FSTL5: variants seen among roughly 807,000 people sequenced by gnomAD.
The protein encoded by FSTL5 is follistatin like 5, also known as follistatin-related protein 5.
FSTL5 carries 62 observed loss-of-function variants against 89.1 expected under a neutral mutation model. That is an observed-to-expected ratio of 0.70 (90% confidence interval 0.57 to 0.86). The LOEUF (loss-of-function observed/expected upper bound fraction) is 0.86. Among genes scored for constraint, FSTL5 ranks in the 40% least tolerant of loss-of-function variants. The probability of loss-of-function intolerance (pLI) is 0.00; values close to 1 mark genes in which losing one functional copy is unlikely to be tolerated. For missense variants in FSTL5, 1,057 were observed against 1,001.6 expected (o/e 1.06, Z -0.75); for synonymous variants, 383 against 346.2 (o/e 1.11, Z -1.18).
rs763177139 is a variant in FSTL5 at position 161,538,206 on chromosome 4, G to A, written c.1272C>T (p.Asp424=). Residue 424 remains aspartate (D), a synonymous_variant, in exon 10 of 16, where the codon GAC becomes GAT. Coordinates refer to ENST00000306100, the MANE Select transcript of FSTL5 (RefSeq NM_020116.5). ...IAKNEAGVDE[D]ISSLFVEDSA... ...AGTCTTCCACAAAAAGAGAAGAGAT[G>A]TCTTCATCCACTCCTGCTTCATTCT... 155 of 1,613,840 alleles carry A rather than the reference G, an allele frequency of 9.6e-5. No homozygotes were observed. The highest frequency in any genetic ancestry group is 5.1e-6 in the Non-Finnish European group (6 of 1,179,934).
intron 10 of FSTL5, among the ~76,000 whole-genome samples, chr4:161,529,541 C>T (rs1424626996): frequency 1.4e-5 from 2 of 141,800 alleles, no homozygotes; most frequent in Non-Finnish European, 3.1e-5. Flanking sequence ...AATCTTATAT[C>T]AAATATTAAA....
intron 2 of FSTL5, among the ~76,000 whole-genome samples, chr4:162,067,351 C>T (rs1738954213): frequency 6.6e-6 from 1 of 152,056 alleles, no homozygotes; most frequent in Non-Finnish European, 1.5e-5. Context: ...CCACATTTGG[C>T]CTATTCTTTG....
chr4:161,763,840 C>T (rs921368937), intron 5 of FSTL5, among the ~76,000 whole-genome samples: 3 of 152,126 alleles, frequency 2.0e-5, no homozygotes, highest in African/African-American at 7.2e-5. Flanking sequence ...TATACCCCTT[C>T]GGTGAGAAGA....
chr4:161,678,322 A>G (rs187327781), intron 6 of FSTL5, among the ~76,000 whole-genome samples: 22 of 151,976 alleles, frequency 1.4e-4, no homozygotes, highest in Admixed American at 1.4e-3. Flanking sequence ...TTTTTCCCTC[A>G]TCAGGAAAAA....
At chr4:161,946,137 ATTTC>A (rs1312555292) in intron 3 of FSTL5, among the ~76,000 whole-genome samples, 2 of 152,130 alleles carry the variant, frequency 1.3e-5, no homozygotes, top group Non-Finnish European at 2.9e-5. Flanking sequence ...CATATTTCAA[ATTTC>A]TTTATCAGAG....
chr4:161,732,236 A>C (rs1287201434), intron 6 of FSTL5, among the ~76,000 whole-genome samples: 1 of 152,108 alleles, frequency 6.6e-6, no homozygotes, highest in Non-Finnish European at 1.5e-5. Context: ...TTTAATTTTC[A>C]ATTATTTAAT....
At chr4:161,726,231 T>TC (rs1553961477) in intron 6 of FSTL5, among the ~76,000 whole-genome samples, 8 of 122,360 alleles carry the variant, frequency 6.5e-5, no homozygotes, top group Non-Finnish European at 1.3e-4. Context: ...CTTTTTCTTT[T>TC]TTTTTTTTTT....
At chr4:162,060,546 T>C (rs185872536) in intron 2 of FSTL5, among the ~76,000 whole-genome samples, 1 of 152,208 alleles carries the variant, frequency 6.6e-6, no homozygotes, top group East Asian at 1.9e-4. Flanking sequence ...TGTTCCTATA[T>C]AGTATATTCT....
chr4:161,432,857 T>C (rs568302923), intron 15 of FSTL5, among the ~76,000 whole-genome samples: 1 of 152,084 alleles, frequency 6.6e-6, no homozygotes, highest in East Asian at 1.9e-4. Flanking sequence ...CCTGGATACA[T>C]ACAATCTACC....
chr4:161,391,192 C>T (rs529196046), intron 15 of FSTL5, among the ~76,000 whole-genome samples: 56 of 152,218 alleles, frequency 3.7e-4, no homozygotes, highest in African/African-American at 1.2e-3. Context: ...AAAAAAAATT[C>T]CAGAACCACA....
At chr4:161,767,618 G>C (rs563275570) in intron 5 of FSTL5, among the ~76,000 whole-genome samples, 25 of 151,390 alleles carry the variant, frequency 1.7e-4, no homozygotes, top group African/African-American at 6.0e-4. Flanking sequence ...ATGAACCTCA[G>C]ACACCTGTTT....
At chr4:161,632,783 T>A (rs1474797986) in intron 7 of FSTL5, among the ~76,000 whole-genome samples, 1 of 152,178 alleles carries the variant, frequency 6.6e-6, no homozygotes, top group Non-Finnish European at 1.5e-5. Flanking sequence ...TTTGTTAGTA[T>A]TTTCATTAAT....
intron 2 of FSTL5, among the ~76,000 whole-genome samples, chr4:162,045,692 T>C (rs1738144477): frequency 6.6e-6 from 1 of 152,122 alleles, no homozygotes; most frequent in Non-Finnish European, 1.5e-5. Context: ...ACCACGAACC[T>C]TCCATTTATA....
intron 6 of FSTL5, among the ~76,000 whole-genome samples, chr4:161,662,663 G>T (rs1442846661): frequency 6.6e-6 from 1 of 151,930 alleles, no homozygotes. Context: ...TGAGAAAACA[G>T]AAAAAAATGG....
chr4:161,679,557 A>T (rs1737446193), intron 6 of FSTL5, among the ~76,000 whole-genome samples: 1 of 151,832 alleles, frequency 6.6e-6, no homozygotes, highest in Admixed American at 6.6e-5. Context: ...GTATTGGAAA[A>T]GGGGGAAAAA....
chr4:161,455,221 G>T, intron 14 of FSTL5, 93 bp from the exon 15 acceptor site: 1 of 1,006,642 alleles, frequency 9.9e-7, no homozygotes, highest in Non-Finnish European at 1.4e-6. Flanking sequence ...AATGTTTCTG[G>T]CAGTTGTTTG....
chr4:161,435,891 C>T (rs2126352870), intron 15 of FSTL5, among the ~76,000 whole-genome samples: 1 of 152,064 alleles, frequency 6.6e-6, no homozygotes, highest in East Asian at 1.9e-4. Context: ...CTGGACTTCC[C>T]CCCAAAGAAC....
At chr4:161,625,395 G>A (rs188362212) in intron 7 of FSTL5, among the ~76,000 whole-genome samples, 7,495 of 152,056 alleles carry the variant, frequency 0.049, 593 homozygotes, top group African/African-American at 0.17. Flanking sequence ...ATTATATTAT[G>A]ATGATTGTGA....
At chr4:161,712,903 T>C (rs1456022735) in intron 6 of FSTL5, among the ~76,000 whole-genome samples, 1 of 152,142 alleles carries the variant, frequency 6.6e-6, no homozygotes, top group African/African-American at 2.4e-5. Context: ...TCCACCATGA[T>C]TGTAAGCTTT....
Sources: gnomAD v4.1 joint callset for allele counts (sites outside exome capture counted in the v4.1 genomes callset) on GRCh38, gnomAD v4.1.1 for gene constraint, MANE v1.5 for transcripts, NCBI Gene and HGNC (gene_info 2026-07-23, HGNC 2026-07-21) for gene names.